Variants in DMD observed in about 807,000 individuals in gnomAD.
DMD encodes the protein mutant dystrophin.
Under a neutral mutation model 330.1 loss-of-function variants are expected in DMD, and 63 were observed. That is an observed-to-expected ratio of 0.19 (90% CI 0.16 to 0.24). DMD has a LOEUF of 0.24. Ranked by LOEUF, DMD falls within the 10% of genes least tolerant of loss-of-function variation. The pLI is 1.00. For missense variants in DMD, 3,344 were observed against 2,684.1 expected (o/e 1.25, Z -5.43); for synonymous variants, 1,223 against 959.8 (o/e 1.27, Z -5.07).
chrX:32,823,791 T>C (rs1028275705), intron 4 of DMD, among the ~76,000 whole-genome samples: 23 of 111,851 alleles, frequency 2.1e-4, no homozygotes, highest in African/African-American at 7.5e-4. Flanking sequence ...AAAACGCCTC[T>C]GTTTTAGAAT....
At chrX:32,225,819 A>G (rs748361217) in intron 43 of DMD, among the ~76,000 whole-genome samples, 1 of 110,214 alleles carries the variant, frequency 9.1e-6, no homozygotes, top group East Asian at 2.9e-4. Flanking sequence ...CCTCCCCAGA[A>G]ACAGATGTTG....
chrX:31,231,265 CAT>C (rs1353350392), intron 63 of DMD, among the ~76,000 whole-genome samples: 1 of 110,205 alleles, frequency 9.1e-6, no homozygotes, highest in Non-Finnish European at 1.9e-5. Flanking sequence ...TAATATATAA[CAT>C]ATATTATTTT....
At chrX:31,140,473 C>T (rs1230209623) in intron 76 of DMD, among the ~76,000 whole-genome samples, 1 of 112,192 alleles carries the variant, frequency 8.9e-6, no homozygotes, top group East Asian at 2.8e-4. Context: ...TCCTGCCTTT[C>T]TCCAGTATTT....
rs925440148 is a variant in DMD at position 32,044,573 on chromosome X, C to T, written c.6439-76059G>A. Among the ~76,000 whole-genome samples, 5 of 110,351 alleles carry T rather than the reference C, an allele frequency of 4.5e-5. No homozygotes were observed. In the East Asian group the frequency reaches 1.2e-3, roughly 25 times the overall value. ...AGTAGCTGAGACTACAGGTGCCTGC[C>T]ACCATGCCCAGCTAATTTTTTTGTA... On this transcript the variant is annotated intron_variant, in intron 44 of 78. Coordinates refer to ENST00000357033, the MANE Select transcript of DMD (RefSeq NM_004006.3).
chrX:31,472,183 C>T (rs922152535), intron 59 of DMD, among the ~76,000 whole-genome samples: 10 of 112,047 alleles, frequency 8.9e-5, no homozygotes, highest in African/African-American at 3.2e-4. Context: ...GGCAGTATAC[C>T]TTATTCATTA....
intron 37 of DMD, among the ~76,000 whole-genome samples, chrX:32,353,810 G>T (rs2097789814): frequency 9.0e-6 from 1 of 110,986 alleles, no homozygotes; most frequent in Admixed American, 9.6e-5. Flanking sequence ...AAGAGACAGA[G>T]AAACCGAGAA....
intron 9 of DMD, among the ~76,000 whole-genome samples, chrX:32,675,878 A>T (rs1015402188): frequency 1.8e-5 from 2 of 112,087 alleles, no homozygotes; most frequent in Non-Finnish European, 3.8e-5. Flanking sequence ...GTCCAATATC[A>T]GTTAGTAATT....
intron 2 of DMD, among the ~76,000 whole-genome samples, chrX:32,883,760 G>A (rs1192675373): frequency 1.1e-5 from 1 of 93,814 alleles, no homozygotes; most frequent in African/African-American, 4.0e-5. Context: ...GGAGGCAGAG[G>A]TTGCAGTGAG....
At chrX:32,321,042 A>G (rs777657119) in intron 41 of DMD, among the ~76,000 whole-genome samples, 57 of 111,693 alleles carry the variant, frequency 5.1e-4, no homozygotes, top group African/African-American at 1.8e-3. Flanking sequence ...ATCTCACTCA[A>G]CTCTGAAGAT....
intron 2 of DMD, among the ~76,000 whole-genome samples, chrX:32,995,137 A>G (rs1220437568): frequency 2.7e-5 from 3 of 112,307 alleles, no homozygotes; most frequent in Non-Finnish European, 5.6e-5. Context: ...AAATAAATGC[A>G]ATTAAAGAAC....
chrX:32,699,148 A>G lies in DMD; in HGVS notation c.795T>C (p.His265=). 8.3e-7 allele frequency: 1 copy of G among 1,210,601 alleles called. No individual in the cohort carries two copies. Among genetic ancestry groups the G allele is most frequent in the Non-Finnish European group, 1.1e-6 (1 of 894,676 alleles). ...PRPPKVTKEE[H]FQLHHQMHYS... The stretch of plus-strand genomic sequence containing the variant: ...AGTGCATTTGATGATGTAACTGAAA[A>G]TGTTCTTCTTTAGTCACTTTAGGTG... The change falls in exon 8 of 79, where the codon CAT becomes CAC. Residue 265 remains histidine, a synonymous_variant. Coordinates refer to ENST00000357033, the MANE Select transcript of DMD (RefSeq NM_004006.3).
At chrX:32,741,733 C>A (rs2069300955) in intron 7 of DMD, among the ~76,000 whole-genome samples, 1 of 111,819 alleles carries the variant, frequency 8.9e-6, no homozygotes, top group South Asian at 3.8e-4. Flanking sequence ...AATACCAACA[C>A]AATATTTGGT....
rs2048619341 is a variant in DMD, at chrX:33,158,621, C to T, written c.31+52661G>A. Among the ~76,000 whole-genome samples, 2 of 111,563 alleles carry T rather than the reference C, an allele frequency of 1.8e-5. 1 individual carries two copies. Among genetic ancestry groups the T allele is most frequent in the South Asian group, 7.5e-4 (2 of 2,662 alleles). On this transcript the variant is annotated intron_variant, in intron 1 of 78. Transcript: ENST00000357033. Reference sequence around the variant, plus strand: ...TTAATTACCATTCAAGGTCTTGAGGCCTACATTAACTGCTCTTAAATGTCA... The same window carrying T: ...TTAATTACCATTCAAGGTCTTGAGGTCTACATTAACTGCTCTTAAATGTCA...
intron 60 of DMD, among the ~76,000 whole-genome samples, chrX:31,412,710 C>T (rs1455766907): frequency 8.9e-6 from 1 of 111,902 alleles, no homozygotes; most frequent in Non-Finnish European, 1.9e-5. Context: ...TAGTTCTGGG[C>T]TTGTACATGA....
At chrX:32,207,061 G>T (rs1269712400) in intron 44 of DMD, among the ~76,000 whole-genome samples, 1 of 111,821 alleles carries the variant, frequency 8.9e-6, no homozygotes, top group Non-Finnish European at 1.9e-5. Context: ...TAAAAAAAAT[G>T]ATAAAGGTAA....
At chrX:31,548,386 C>G (rs1423336691) in intron 55 of DMD, among the ~76,000 whole-genome samples, 1 of 110,973 alleles carries the variant, frequency 9.0e-6, no homozygotes, top group East Asian at 2.8e-4. Flanking sequence ...CTTTCCTTTT[C>G]TTCTGGTCAT....
At chrX:32,054,413 A>C (rs1421583578) in intron 44 of DMD, among the ~76,000 whole-genome samples, 2 of 91,883 alleles carry the variant, frequency 2.2e-5, no homozygotes, top group Non-Finnish European at 4.1e-5. Context: ...CTCATTGTTC[A>C]ATTCCCACCT....
intron 7 of DMD, among the ~76,000 whole-genome samples, chrX:32,735,272 A>T (rs1412944278): frequency 1.8e-5 from 2 of 110,328 alleles, no homozygotes; most frequent in Non-Finnish European, 3.8e-5. Context: ...AAGAGGATAC[A>T]AACAAATGGA....
chrX:32,839,286 C>G (rs774559631), intron 4 of DMD, among the ~76,000 whole-genome samples: 1 of 111,470 alleles, frequency 9.0e-6, no homozygotes, highest in African/African-American at 3.3e-5. Flanking sequence ...CCTAACCCAC[C>G]TTCCTATAGA....
Sources: allele counts gnomAD v4.1 joint callset (sites outside exome capture counted in the v4.1 genomes callset), GRCh38; gene constraint gnomAD v4.1.1; transcripts MANE v1.5; gene names NCBI Gene and HGNC (gene_info 2026-07-23, HGNC 2026-07-21).